SLC4A4: variants seen among roughly 807,000 people sequenced by gnomAD.
SLC4A4 encodes the protein solute carrier family 4 member 4.
Under a neutral mutation model 111.5 loss-of-function variants are expected in SLC4A4, and 27 were observed. The ratio of observed to expected loss-of-function variants is 0.24; its 90% confidence interval spans 0.18 to 0.33. The LOEUF is 0.33. Ranked by LOEUF, SLC4A4 falls within the 10% of genes least tolerant of loss-of-function variation. SLC4A4 has a pLI of 1.00. For missense variants in SLC4A4, 909 were observed against 1,315.5 expected, an observed-to-expected ratio of 0.69 and a Z score of 4.78; for synonymous variants, 443 against 463.4, an observed-to-expected ratio of 0.96 and a Z score of 0.57.
intron 1 of SLC4A4, among the ~76,000 whole-genome samples, chr4:71,067,423 A>C (rs1382940134): frequency 6.6e-6 from 1 of 152,230 alleles, no homozygotes; most frequent in Non-Finnish European, 1.5e-5. Flanking sequence ...TCTAAAACAA[A>C]TATTATTCAA....
At chr4:71,421,381 A>G (rs1380698776) in intron 7 of SLC4A4, among the ~76,000 whole-genome samples, 1 of 152,210 alleles carries the variant, frequency 6.6e-6, no homozygotes, top group Non-Finnish European at 1.5e-5. Flanking sequence ...CCACACATTA[A>G]TAATGGGAGA....
intron 3 of SLC4A4, among the ~76,000 whole-genome samples, chr4:71,303,637 T>C (rs1209417639): frequency 6.6e-6 from 1 of 152,206 alleles, no homozygotes; most frequent in African/African-American, 2.4e-5. Flanking sequence ...ATCAAAATCA[T>C]AGGCTTTTGT....
At chr4:71,377,936 A>T (rs1263335520) in intron 6 of SLC4A4, among the ~76,000 whole-genome samples, 3 of 152,216 alleles carry the variant, frequency 2.0e-5, no homozygotes, top group Non-Finnish European at 4.4e-5. Flanking sequence ...CCTCAGAATC[A>T]TGGCGGGAGG....
chr4:71,422,103 G>T (rs1425661602), intron 7 of SLC4A4, among the ~76,000 whole-genome samples: 1 of 143,980 alleles, frequency 6.9e-6, no homozygotes, highest in African/African-American at 2.6e-5. Flanking sequence ...GACTAATAAA[G>T]AAAAAAAGAG....
intron 1 of SLC4A4, among the ~76,000 whole-genome samples, chr4:71,215,903 A>ATTTTTTT (rs990635246): frequency 2.3e-5 from 3 of 127,868 alleles, no homozygotes; most frequent in African/African-American, 2.9e-5. Context: ...TGTCATTTCT[A>ATTTTTTT]TTTTTTTTTT....
At chr4:71,369,850 G>A (rs1731694918) in intron 6 of SLC4A4, among the ~76,000 whole-genome samples, 1 of 151,902 alleles carries the variant, frequency 6.6e-6, no homozygotes, top group Admixed American at 6.6e-5. Flanking sequence ...GTCCTTGGGG[G>A]GTTTCCTTTC....
At chr4:71,380,202 T>C (rs1717978733) in intron 6 of SLC4A4, among the ~76,000 whole-genome samples, 1 of 152,202 alleles carries the variant, frequency 6.6e-6, no homozygotes, top group Non-Finnish European at 1.5e-5. Context: ...GGCCTTCGTT[T>C]CTTACTGTCT....
At chr4:71,277,357 T>A (rs1723145537) in intron 3 of SLC4A4, among the ~76,000 whole-genome samples, 1 of 152,172 alleles carries the variant, frequency 6.6e-6, no homozygotes. Context: ...ATAGTGATAA[T>A]CTTGTAGTCC....
intron 7 of SLC4A4, among the ~76,000 whole-genome samples, chr4:71,413,601 A>G (rs553437649): frequency 9.4e-4 from 143 of 152,318 alleles, no homozygotes; most frequent in Admixed American, 1.6e-3. Flanking sequence ...TTTGAAAAAA[A>G]GAAAAGTATT....
chr4:71,523,017 A>G (rs1016986721), intron 16 of SLC4A4, among the ~76,000 whole-genome samples: 1 of 152,190 alleles, frequency 6.6e-6, no homozygotes, highest in African/African-American at 2.4e-5. Flanking sequence ...ATTCTATTAA[A>G]ATTGCATGTG....
intron 17 of SLC4A4, 46 bp from the exon 18 acceptor site, chr4:71,534,181 T>C: frequency 6.3e-7 from 1 of 1,586,534 alleles, no homozygotes; most frequent in Non-Finnish European, 8.7e-7. Context: ...AAATAGTATA[T>C]ATTAACCTGA....
chr4:71,273,522 C>G (rs1420050245), intron 3 of SLC4A4, among the ~76,000 whole-genome samples: 4 of 152,118 alleles, frequency 2.6e-5, no homozygotes, highest in Non-Finnish European at 5.9e-5. Context: ...GGGCCAAAAG[C>G]TAGTTAAAGT....
At chr4:71,262,662 C>A (rs1297987733) in intron 3 of SLC4A4, among the ~76,000 whole-genome samples, 4 of 152,108 alleles carry the variant, frequency 2.6e-5, no homozygotes, top group Non-Finnish European at 5.9e-5. Context: ...TTAAGTTCAT[C>A]CTTGAAATAG....
At chr4:71,132,019 G>A (rs1743719642) in intron 2 of SLC4A4, among the ~76,000 whole-genome samples, 1 of 152,250 alleles carries the variant, frequency 6.6e-6, no homozygotes, top group East Asian at 1.9e-4. Context: ...AGAAATGATA[G>A]CCTTCCAAAA....
intron 7 of SLC4A4, among the ~76,000 whole-genome samples, chr4:71,430,683 C>A (rs191326593): frequency 6.6e-6 from 1 of 152,248 alleles, no homozygotes; most frequent in East Asian, 1.9e-4. Context: ...ACTCAACAGT[C>A]TTTCTCTTCA....
intron 16 of SLC4A4, among the ~76,000 whole-genome samples, chr4:71,520,305 A>G (rs984364040): frequency 2.6e-5 from 4 of 151,922 alleles, no homozygotes; most frequent in Non-Finnish European, 4.4e-5. Flanking sequence ...AAACATTTGT[A>G]TGAGTTGTTA....
intron 1 of SLC4A4, among the ~76,000 whole-genome samples, chr4:71,210,669 A>T (rs555077892): frequency 3.9e-5 from 6 of 152,350 alleles, no homozygotes; most frequent in Non-Finnish European, 7.3e-5. Flanking sequence ...GTTACTGGGA[A>T]CACTGTGTAA....
Position 71,264,357 on chromosome 4 carries a change from T to G in SLC4A4, c.253+8958T>G, listed in dbSNP as rs569002500. Among the ~76,000 whole-genome samples the G allele has an allele frequency of 2.6e-5, 4 of 152,308 alleles. 1 individual carries two copies. Among genetic ancestry groups the G allele is most frequent in the African/African-American group, 9.6e-5 (4 of 41,578 alleles). On this transcript the variant is annotated intron_variant, in intron 3 of 25. Coordinates refer to ENST00000264485, the MANE Select transcript of SLC4A4 (RefSeq NM_001098484.3). ...TGTTATTAAACACTTTGTATCAACA[T>G]TATCTTTTGTCATTTATCAAAATTT...
chr4:71,487,706 C>T (rs1729546213), intron 15 of SLC4A4, among the ~76,000 whole-genome samples: 1 of 151,608 alleles, frequency 6.6e-6, no homozygotes, highest in African/African-American at 2.4e-5. Context: ...AGACAGAAGC[C>T]ATAATACCTT....
Sources: gnomAD v4.1 joint callset for allele counts (sites outside exome capture counted in the v4.1 genomes callset) on GRCh38, gnomAD v4.1.1 for gene constraint, MANE v1.5 for transcripts, NCBI Gene and HGNC (gene_info 2026-07-23, HGNC 2026-07-21) for gene names.